The following NEGR1 variants were observed in gnomAD, a reference collection of about 807,000 sequenced individuals.
The protein encoded by NEGR1 is neuronal growth regulator 1, also known as IgLON family member 4.
Under a neutral mutation model 40.9 loss-of-function variants are expected in NEGR1, and 10 were observed. That is an observed-to-expected ratio of 0.24 (90% CI 0.15 to 0.42). The LOEUF is 0.42. NEGR1 is among the 10% of genes least tolerant of loss of function. The probability of loss-of-function intolerance (pLI) is 1.00; values close to 1 mark genes in which losing one functional copy is unlikely to be tolerated. For missense variants in NEGR1, 352 were observed against 438.9 expected (o/e 0.80, Z 1.77); for synonymous variants, 185 against 166.8 (o/e 1.11, Z -0.84).
intron 2 of NEGR1, among the ~76,000 whole-genome samples, chr1:71,863,483 C>T (rs181394130): frequency 5.3e-5 from 8 of 152,214 alleles, no homozygotes; most frequent in African/African-American, 1.9e-4. Flanking sequence ...GGAAGAATAG[C>T]TAATGGGTGC....
At chr1:71,900,257 G>C (rs1661107673) in intron 2 of NEGR1, among the ~76,000 whole-genome samples, 1 of 152,082 alleles carries the variant, frequency 6.6e-6, no homozygotes, top group Non-Finnish European at 1.5e-5. Flanking sequence ...AATAACTTAT[G>C]AACTACAGGT....
At chr1:72,251,343 T>C (rs997177697) in intron 1 of NEGR1, among the ~76,000 whole-genome samples, 2 of 152,192 alleles carry the variant, frequency 1.3e-5, no homozygotes, top group Non-Finnish European at 2.9e-5. Context: ...CAACGAATCA[T>C]ATCCATTACA....
chr1:71,905,693 T>A (rs964520067), intron 2 of NEGR1, among the ~76,000 whole-genome samples: 6 of 152,040 alleles, frequency 3.9e-5, no homozygotes, highest in African/African-American at 1.4e-4. Context: ...GATATAAAGC[T>A]GGCAGAAATA....
intron 1 of NEGR1, among the ~76,000 whole-genome samples, chr1:72,130,349 C>T (rs1488338132): frequency 6.6e-6 from 1 of 152,056 alleles, no homozygotes; most frequent in Non-Finnish European, 1.5e-5. Flanking sequence ...TAAATGAGCC[C>T]CTGCCCTGAG....
intron 6 of NEGR1, among the ~76,000 whole-genome samples, chr1:71,410,116 A>G (rs1288533584): frequency 6.6e-6 from 1 of 152,128 alleles, no homozygotes; most frequent in Non-Finnish European, 1.5e-5. Flanking sequence ...TTAAAATAGC[A>G]TACGTCTTTT....
At chr1:72,039,127 T>C (rs1221855368) in intron 1 of NEGR1, among the ~76,000 whole-genome samples, 1 of 151,790 alleles carries the variant, frequency 6.6e-6, no homozygotes, top group African/African-American at 2.4e-5. Flanking sequence ...GTAGAAGAGA[T>C]TGTGAAAAGT....
At chr1:71,529,691 T>A (rs1477955974) in intron 6 of NEGR1, among the ~76,000 whole-genome samples, 1 of 151,174 alleles carries the variant, frequency 6.6e-6, no homozygotes, top group Middle Eastern at 3.2e-3. Flanking sequence ...TAAGCATTTT[T>A]AGCTCGATGG....
At chr1:72,002,813 C>T (rs1232842356) in intron 1 of NEGR1, among the ~76,000 whole-genome samples, 1 of 152,140 alleles carries the variant, frequency 6.6e-6, no homozygotes, top group African/African-American at 2.4e-5. Context: ...AAGGAATTTA[C>T]CACATATCTC....
intron 2 of NEGR1, among the ~76,000 whole-genome samples, chr1:71,822,556 G>C (rs1401326127): frequency 6.6e-6 from 1 of 151,904 alleles, no homozygotes; most frequent in Non-Finnish European, 1.5e-5. Context: ...GTGTCCAACT[G>C]CCCCCAACAA....
At chr1:71,871,434 A>G (rs767861437) in intron 2 of NEGR1, among the ~76,000 whole-genome samples, 2 of 152,120 alleles carry the variant, frequency 1.3e-5, no homozygotes, top group African/African-American at 4.8e-5. Context: ...ACCATTTTAA[A>G]TATCATGAGA....
chr1:71,677,145 T>G (rs1395861980), intron 4 of NEGR1, among the ~76,000 whole-genome samples: 2 of 152,214 alleles, frequency 1.3e-5, no homozygotes, highest in African/African-American at 4.8e-5. Flanking sequence ...GGTGCATTGT[T>G]GGCCTTCTAT....
chr1:71,908,157 A>G (rs1661329139), intron 2 of NEGR1, among the ~76,000 whole-genome samples: 1 of 152,014 alleles, frequency 6.6e-6, no homozygotes, highest in African/African-American at 2.4e-5. Flanking sequence ...GTCTAAAATA[A>G]AAGTTGAAAT....
intron 3 of NEGR1, among the ~76,000 whole-genome samples, chr1:71,718,599 A>AT (rs985721412): frequency 1.3e-5 from 2 of 152,268 alleles, no homozygotes; most frequent in Non-Finnish European, 2.9e-5. Context: ...TATTGATTTC[A>AT]TTTTTTTAAC....
At chr1:71,416,405 C>G (rs1016492836) in intron 6 of NEGR1, among the ~76,000 whole-genome samples, 1 of 152,078 alleles carries the variant, frequency 6.6e-6, no homozygotes, top group Non-Finnish European at 1.5e-5. Context: ...AATTAATGAT[C>G]AAGAATTTCA....
intron 1 of NEGR1, among the ~76,000 whole-genome samples, chr1:72,254,278 A>C (rs1557599875): frequency 6.6e-6 from 1 of 152,180 alleles, no homozygotes; most frequent in Non-Finnish European, 1.5e-5. Context: ...AGATGCTCTA[A>C]AAATGCTTGC....
In NEGR1 at chr1:72,240,897, C is replaced by A. The variant is rs564411266; in HGVS notation, c.176+41422G>T. ...TAATCTTATAGTACTGATTAGCCTCCTTCTGATTTCTTATTGTTTCCTAAC... is the reference window on the plus strand; with the variant it reads ...TAATCTTATAGTACTGATTAGCCTCATTCTGATTTCTTATTGTTTCCTAAC... On this transcript the variant is annotated intron_variant, in intron 1 of 6. Coordinates refer to ENST00000357731, the MANE Select transcript of NEGR1 (RefSeq NM_173808.3). Among the ~76,000 whole-genome samples the A allele has an allele frequency of 4.0e-5, 6 of 151,820 alleles. No individual in the cohort carries two copies. In the East Asian group the frequency reaches 1.2e-3, roughly 29 times the overall value.
At chr1:71,735,130 C>T (rs1405227840) in intron 3 of NEGR1, among the ~76,000 whole-genome samples, 1 of 152,082 alleles carries the variant, frequency 6.6e-6, no homozygotes, top group African/African-American at 2.4e-5. Context: ...GGATGCCACA[C>T]CAGCACTTCT....
intron 3 of NEGR1, among the ~76,000 whole-genome samples, chr1:71,709,307 C>G (rs1000025195): frequency 1.3e-5 from 2 of 152,156 alleles, no homozygotes; most frequent in African/African-American, 4.8e-5. Flanking sequence ...TCACCAGCAT[C>G]TGTTGCTTTT....
intron 1 of NEGR1, among the ~76,000 whole-genome samples, chr1:72,009,256 G>C (rs999230672): frequency 4.6e-5 from 7 of 151,898 alleles, no homozygotes; most frequent in Non-Finnish European, 1.0e-4. Flanking sequence ...GAGCTCAAAC[G>C]TGTGGTTCCT....
Sources: allele counts gnomAD v4.1 joint callset (sites outside exome capture counted in the v4.1 genomes callset), GRCh38; gene constraint gnomAD v4.1.1; transcripts MANE v1.5; gene names NCBI Gene and HGNC (gene_info 2026-07-23, HGNC 2026-07-21).